The following A2M variants were observed in gnomAD, a reference collection of about 807,000 sequenced individuals.
A2M encodes alpha-2-macroglobulin.
Under a neutral mutation model 183.9 loss-of-function variants are expected in A2M, and 128 were observed. That is an observed-to-expected ratio of 0.70 (90% CI 0.60 to 0.81). A2M has a LOEUF of 0.81. Ranked by LOEUF, A2M falls within the 30% of genes least tolerant of loss-of-function variation. The pLI, the probability that A2M is intolerant of heterozygous loss-of-function variation, is 0.00. For synonymous variants in A2M, 592 were observed against 670.8 expected, an observed-to-expected ratio of 0.88 and a Z score of 1.81; for missense variants, 1,495 against 1,787.6, an observed-to-expected ratio of 0.84 and a Z score of 2.95.
chr12:9,109,243 G>C, intron 7 of A2M, 78 bp downstream of exon 7: 1 of 1,171,806 alleles, frequency 8.5e-7, no homozygotes, highest in Non-Finnish European at 1.2e-6. Context: ...TGCTCCCGGA[G>C]AGAGTAGTTA....
In A2M at chr12:9,076,860, T is replaced by C. The variant is rs1948762854; in HGVS notation, c.3428A>G (p.His1143Arg). 2.5e-6 allele frequency: 4 copies of C among 1,613,620 alleles called. No homozygotes were observed. Among genetic ancestry groups the C allele is most frequent in the South Asian group, 2.2e-5 (2 of 90,990 alleles). The change falls in exon 28 of 36, where the codon CAT (histidine) becomes CGT (arginine). Residue 1143 changes from histidine (H) to arginine (R), a missense_variant. By Grantham distance (29) the His-to-Arg change is conservative. Transcript: ENST00000318602. ...GGCCAGCAGTGCTTTGGTATATACA[T>C]GGCTGCCATGGTCCCCTTCTTGTGC... ...KTAQEGDHGS[H>R]VYTKALLAYA...
In A2M at chr12:9,098,640, G is replaced by A. The variant is rs1480635604; in HGVS notation, c.1818C>T (p.Leu606=). The change falls in exon 15 of 36, where the codon CTC becomes CTT. Residue 606 remains leucine (L), a synonymous_variant. Transcript: ENST00000318602. ...ALRAVDQSVL[L]MKPDAELSAS... ...CCGAGAGCTCAGCATCAGGCTTCATGAGCAGCACGCTTTGGTCCACAGCAC... is the reference window on the plus strand; with the variant it reads ...CCGAGAGCTCAGCATCAGGCTTCATAAGCAGCACGCTTTGGTCCACAGCAC... 1 of 1,608,484 alleles carries A rather than the reference G, an allele frequency of 6.2e-7. No homozygotes were observed. The highest frequency in any genetic ancestry group is 1.7e-5 in the Admixed American group (1 of 59,278).
chr12:9,093,196 T>C (rs1230476894), intron 18 of A2M, among the ~76,000 whole-genome samples: 3 of 152,206 alleles, frequency 2.0e-5, no homozygotes, highest in Non-Finnish European at 2.9e-5. Context: ...TTGATAATAC[T>C]GTATTGGATA....
In A2M at chr12:9,095,004, A is replaced by T. The variant is rs1168486416; in HGVS notation, c.2094T>A (p.His698Gln). The T allele has an allele frequency of 6.3e-7, 1 of 1,588,672 alleles. No individual in the cohort carries two copies. Among genetic ancestry groups the T allele is most frequent in the Non-Finnish European group, 8.6e-7 (1 of 1,166,138 alleles). The change falls in exon 17 of 36, where the codon CAT becomes CAA. Residue 698 changes from histidine (H) to glutamine (Q), a missense_variant. Physicochemically the swap from His to Gln is conservative, Grantham distance 24. Coordinates refer to ENST00000318602, the MANE Select transcript of A2M (RefSeq NM_000014.6). The part of the protein sequence containing the change: ...MCPQLQQYEM[H>Q]GPEGLRVGFY... ...AACCTACACGTAGACCTTCAGGTCC[A>T]TGCATTTCATACTGTTGAAGCTGTG...
chr12:9,107,261 T>C (rs1938365338), intron 8 of A2M, among the ~76,000 whole-genome samples: 1 of 152,202 alleles, frequency 6.6e-6, no homozygotes, highest in Non-Finnish European at 1.5e-5. Flanking sequence ...TGTATGGTTT[T>C]TTCCTTCCTT....
At chr12:9,082,233 C>A (rs1425277394) in intron 22 of A2M, among the ~76,000 whole-genome samples, 2 of 152,182 alleles carry the variant, frequency 1.3e-5, no homozygotes, top group Non-Finnish European at 2.9e-5. Context: ...TCTGCCCATC[C>A]CAAGCAACAA....
intron 32 of A2M, 78 bp downstream of exon 32, chr12:9,070,410 G>T: frequency 1.1e-6 from 1 of 925,512 alleles, no homozygotes; most frequent in South Asian, 1.5e-5. Context: ...ATAGTATTTT[G>T]ATATTAGTAT....
Position 9,109,384 on chromosome 12 carries a change from T to G in A2M, c.695A>C (p.Gln232Pro). Residue 232 changes from glutamine (Q) to proline (P), a missense_variant, in exon 7 of 36, where the codon CAA (glutamine) becomes CCA (proline). Gln to Pro is a moderately conservative substitution (Grantham distance 76, BLOSUM62 -1). Coordinates refer to ENST00000318602, the MANE Select transcript of A2M (RefSeq NM_000014.6). ...GGTGATTATCTTTGGCACTGTTACT[T>G]GTACTTCAAACTTGGGAAGAACTGT... ...EEFVLPKFEV[Q>P]VTVPKIITIL... is the part of the protein sequence containing the mutation. 1.9e-6 allele frequency: 3 copies of G among 1,613,256 alleles called. No homozygotes were observed. The highest frequency in any genetic ancestry group is 2.5e-6 in the Non-Finnish European group (3 of 1,179,444).
At chr12:9,095,200 C>A in intron 16 of A2M, 116 bp from the exon 17 acceptor site, 2 of 555,428 alleles carry the variant, frequency 3.6e-6, no homozygotes, top group Non-Finnish European at 6.0e-6. Context: ...AAACTTTTAA[C>A]ATTCACATCT....
intron 22 of A2M, among the ~76,000 whole-genome samples, chr12:9,086,739 ACCCAC>A (rs2137758689): frequency 6.6e-6 from 1 of 152,342 alleles, no homozygotes; most frequent in Non-Finnish European, 1.5e-5. Context: ...AGACAAGGAT[ACCCAC>A]TGCCACCATT....
intron 15 of A2M, among the ~76,000 whole-genome samples, chr12:9,097,568 A>G (rs1426911083): frequency 6.6e-6 from 1 of 151,994 alleles, no homozygotes; most frequent in Non-Finnish European, 1.5e-5. Context: ...CTCAGAGATA[A>G]TACATATGTT....
At chr12:9,087,421 A>C (rs1350411975) in intron 22 of A2M, among the ~76,000 whole-genome samples, 1 of 152,170 alleles carries the variant, frequency 6.6e-6, no homozygotes, top group Non-Finnish European at 1.5e-5. Flanking sequence ...GAAAACAAAT[A>C]TTGCATGTTC....
Position 9,074,687 on chromosome 12 carries a change from G to A in A2M, c.3629C>T (p.Ser1210Phe). 1 of 1,614,038 alleles carries A rather than the reference G, an allele frequency of 6.2e-7. No homozygotes were observed. Among genetic ancestry groups the A allele is most frequent in the Non-Finnish European group, 8.5e-7 (1 of 1,179,996 alleles). The change falls in exon 29 of 36, where the codon TCC becomes TTC. Residue 1210 changes from serine to phenylalanine, a missense_variant. Transcript: ENST00000318602. ...CGTGAGATAAGCGAGGAGCACATAG[G>A]ATGTCATCTCCACCTCAGCAGAGGG... is the stretch of plus-strand genomic sequence containing the variant. ...QAPSAEVEMT[S>F]YVLLAYLTAQ... is the part of the protein sequence containing the mutation.
At chr12:9,105,989 A>T (rs960256329) in intron 10 of A2M, among the ~76,000 whole-genome samples, 4 of 152,054 alleles carry the variant, frequency 2.6e-5, no homozygotes, top group African/African-American at 4.8e-5. Flanking sequence ...AGGGGGGAAA[A>T]CTCTACTAAT....
At chr12:9,071,570 T>G (rs1948581741) in intron 31 of A2M, among the ~76,000 whole-genome samples, 1 of 152,182 alleles carries the variant, frequency 6.6e-6, no homozygotes, top group Non-Finnish European at 1.5e-5. Flanking sequence ...ATTGTTGTTT[T>G]TTTCTGATCT....
chr12:9,110,498 G>A (rs947147313), intron 4 of A2M, among the ~76,000 whole-genome samples, 164 bp from the exon 5 acceptor site: 27 of 151,858 alleles, frequency 1.8e-4, no homozygotes, highest in Non-Finnish European at 2.8e-4. Context: ...GGATTTGTTC[G>A]TAACACAAAG....
rs778445955 is a variant in A2M, at chr12:9,112,113, C to T, written c.483+46G>A. 15 of 1,594,042 alleles carry T rather than the reference C, an allele frequency of 9.4e-6. No homozygotes were observed. The Admixed American group carries it at 2.3e-4, about 25-fold the overall frequency. On this transcript the variant is annotated intron_variant, in intron 4 of 35. Coordinates refer to ENST00000318602, the MANE Select transcript of A2M (RefSeq NM_000014.6). The stretch of plus-strand genomic sequence containing the variant: ...CTCAGCACAAAAAACAGGTTCCCAG[C>T]CTGTTTATACAGACAATCATTTTAT...
At chr12:9,077,878 C>T (rs1948794093) in intron 25 of A2M, 21 bp from the exon 26 acceptor site, 2 of 1,613,816 alleles carry the variant, frequency 1.2e-6, no homozygotes, top group African/African-American at 2.7e-5. Context: ...AGGAAGCAAT[C>T]ATGATGTTTA....
intron 8 of A2M, 97 bp downstream of exon 8, chr12:9,107,427 A>C: frequency 7.0e-7 from 1 of 1,431,240 alleles, no homozygotes; most frequent in Non-Finnish European, 9.5e-7. Flanking sequence ...ATTCTCTTCT[A>C]GATTGTTCTC....
Sources: allele counts gnomAD v4.1 joint callset (sites outside exome capture counted in the v4.1 genomes callset), GRCh38; gene constraint gnomAD v4.1.1; transcripts MANE v1.5; gene names NCBI Gene and HGNC (gene_info 2026-07-23, HGNC 2026-07-21).